The following TMEM132C variants were observed in gnomAD, a reference collection of about 807,000 sequenced individuals.
TMEM132C encodes the protein transmembrane protein 132C.
In TMEM132C, 29 loss-of-function variants were observed where a neutral mutation model predicts 61.4. The observed-to-expected ratio is 0.47, with a 90% confidence interval of 0.35 to 0.64. The LOEUF (loss-of-function observed/expected upper bound fraction) is 0.64, where lower values mean the gene tolerates loss of function less well. Ranked by LOEUF, TMEM132C falls within the 30% of genes least tolerant of loss-of-function variation. The pLI is 0.00. For synonymous variants in TMEM132C, 656 were observed against 633.1 expected, an observed-to-expected ratio of 1.04 and a Z score of -0.54; for missense variants, 1,408 against 1,476.9, an observed-to-expected ratio of 0.95 and a Z score of 0.76.
intron 1 of TMEM132C, among the ~76,000 whole-genome samples, chr12:128,340,408 CA>C (rs1177348532): frequency 1.3e-5 from 2 of 151,650 alleles, no homozygotes; most frequent in Non-Finnish European, 2.9e-5. Flanking sequence ...TTAGTTGCAA[CA>C]AAATGACAAA....
chr12:128,627,385 A>G (rs191858636), intron 4 of TMEM132C, among the ~76,000 whole-genome samples: 271 of 152,176 alleles, frequency 1.8e-3, no homozygotes, highest in African/African-American at 6.3e-3. Context: ...TCTGATCATT[A>G]TCTGACATTA....
At chr12:128,549,122 G>A (rs1874064910) in intron 3 of TMEM132C, among the ~76,000 whole-genome samples, 1 of 152,160 alleles carries the variant, frequency 6.6e-6, no homozygotes, top group Non-Finnish European at 1.5e-5. Flanking sequence ...CTTGGGGTGT[G>A]AGCTGGCTGG....
chr12:128,494,927 T>C (rs2136103799), intron 2 of TMEM132C, among the ~76,000 whole-genome samples: 1 of 151,284 alleles, frequency 6.6e-6, no homozygotes, highest in Admixed American at 6.6e-5. Flanking sequence ...GTTCTTTTAA[T>C]TGTGATGTTT....
rs568281677 is a variant in TMEM132C at position 128,692,118 on chromosome 12, C to T, written c.1450-1711C>T. Among the ~76,000 whole-genome samples the T allele has an allele frequency of 2.0e-5, 3 of 151,768 alleles. No homozygotes were observed. In the East Asian group the frequency reaches 5.9e-4, roughly 30 times the overall value. ...GTCTGTCCATCAGTGTGTGCATCCACCCATCAGCTCATCTGTCTATTCATC... is the reference window on the plus strand; with the variant it reads ...GTCTGTCCATCAGTGTGTGCATCCATCCATCAGCTCATCTGTCTATTCATC... On this transcript the variant is annotated intron_variant, in intron 5 of 8. Transcript: ENST00000435159.
chr12:128,603,125 C>T (rs1442342494), intron 3 of TMEM132C, among the ~76,000 whole-genome samples: 1 of 152,110 alleles, frequency 6.6e-6, no homozygotes, highest in African/African-American at 2.4e-5. Flanking sequence ...CTTCATGACA[C>T]ATTGGCTTCA....
intron 1 of TMEM132C, among the ~76,000 whole-genome samples, chr12:128,306,849 G>A (rs138297007): frequency 1.1e-3 from 173 of 152,252 alleles, no homozygotes; most frequent in Non-Finnish European, 1.4e-3. Flanking sequence ...TTGTCCTCTC[G>A]TTGGCATGTT....
At chr12:128,467,938 C>T (rs1870794519) in intron 2 of TMEM132C, among the ~76,000 whole-genome samples, 2 of 152,176 alleles carry the variant, frequency 1.3e-5, no homozygotes, top group Admixed American at 1.3e-4. Context: ...AGAGGGGCAT[C>T]AATCAGACGG....
chr12:128,516,009 C>T (rs144725571), intron 2 of TMEM132C, among the ~76,000 whole-genome samples: 22 of 152,202 alleles, frequency 1.4e-4, no homozygotes, highest in African/African-American at 4.8e-4. Context: ...CCCTGTGGTT[C>T]GCTGGTTTGA....
chr12:128,518,061 G>A (rs1396139685), intron 2 of TMEM132C, among the ~76,000 whole-genome samples: 4 of 152,210 alleles, frequency 2.6e-5, no homozygotes, highest in African/African-American at 7.2e-5. Flanking sequence ...GGGAAAGCAT[G>A]GTTAAGCTCC....
chr12:128,367,350 C>T (rs1408961176), intron 1 of TMEM132C, among the ~76,000 whole-genome samples: 1 of 152,302 alleles, frequency 6.6e-6, no homozygotes, highest in Non-Finnish European at 1.5e-5. Flanking sequence ...GCTCTGTGTT[C>T]TGTGCTCATT....
intron 2 of TMEM132C, among the ~76,000 whole-genome samples, chr12:128,500,880 A>G (rs1872151356): frequency 6.6e-6 from 1 of 152,244 alleles, no homozygotes; most frequent in African/African-American, 2.4e-5. Context: ...CAAAACTTGT[A>G]CATGAATATT....
chr12:128,638,582 G>A (rs912504974), intron 4 of TMEM132C, among the ~76,000 whole-genome samples: 53 of 152,320 alleles, frequency 3.5e-4, no homozygotes, highest in African/African-American at 1.2e-3. Context: ...GGGCATTGAG[G>A]CCTGAAGGCA....
chr12:128,701,896 CTTCT>C (rs1954806123), intron 8 of TMEM132C, among the ~76,000 whole-genome samples: 2 of 44,686 alleles, frequency 4.5e-5, no homozygotes, highest in African/African-American at 1.2e-4. Flanking sequence ...TTCGCTTCTT[CTTCT>C]TTTTTTTTTT....
intron 1 of TMEM132C, among the ~76,000 whole-genome samples, chr12:128,344,450 G>A (rs140390627): frequency 1.1e-4 from 17 of 152,214 alleles, no homozygotes; most frequent in African/African-American, 3.6e-4. Context: ...GAGCCACCGT[G>A]CCGGCAGTAT....
intron 1 of TMEM132C, among the ~76,000 whole-genome samples, chr12:128,291,842 G>A (rs544966316): frequency 4.6e-5 from 7 of 152,218 alleles, no homozygotes; most frequent in Non-Finnish European, 8.8e-5. Flanking sequence ...AGTGGGGAAA[G>A]CCACAGTGCT....
chr12:128,375,189 AACCAGGCTGTCCTGGTTGAAAAGC>A lies in TMEM132C; in HGVS notation c.86-39540_86-39517del, dbSNP rs1239093928. On this transcript the variant is annotated intron_variant, in intron 1 of 8. Coordinates refer to ENST00000435159, the MANE Select transcript of TMEM132C (RefSeq NM_001136103.3). ...CCTGTGGGATGGCTGGTTGAAAAGCAACCAGGCTGTCCTGGTTGAAAAGCACTGGGGACAGTGTGACCGGGGTGG... is the reference window on the plus strand; with the variant it reads ...CCTGTGGGATGGCTGGTTGAAAAGCAACTGGGGACAGTGTGACCGGGGTGG... 1.4e-3 allele frequency among the ~76,000 whole-genome samples: 218 copies of A among 152,156 alleles called. 2 individuals are homozygous for A. The highest frequency in any genetic ancestry group is 5.0e-3 in the African/African-American group (208 of 41,538).
Position 128,695,834 on chromosome 12 carries a change from A to C in TMEM132C, c.1660A>C (p.Thr554Pro). 1 of 1,543,012 alleles carries C rather than the reference A, an allele frequency of 6.5e-7. No individual in the cohort carries two copies. Among genetic ancestry groups the C allele is most frequent in the Non-Finnish European group, 8.8e-7 (1 of 1,141,750 alleles). ...CTCTTTGTCCCTTCCCACAAGGCCC[A>C]CTCGTGAGAGCGAGGATGAGGACGA... is the stretch of plus-strand genomic sequence containing the variant. The part of the protein sequence containing the change: ...RVPIVTNKRP[T>P]RESEDEDEEE... Residue 554 changes from threonine (T) to proline (P), a missense_variant, in exon 7 of 9, where the codon ACT becomes CCT. Thr to Pro is a conservative substitution (Grantham distance 38). Coordinates refer to ENST00000435159, the MANE Select transcript of TMEM132C (RefSeq NM_001136103.3).
Position 128,706,060 on chromosome 12 carries a change from C to A in TMEM132C, c.3092C>A (p.Ser1031Tyr). Residue 1031 changes from serine (S) to tyrosine (Y), a missense_variant, in exon 9 of 9, where the codon TCC becomes TAC. Transcript: ENST00000435159. Reference sequence around the variant, plus strand: ...AGCCAGATTCACAGGTCAGCCGACTCCGGGGGGCGGCAGGGCAGAGAACAG... The same window carrying A: ...AGCCAGATTCACAGGTCAGCCGACTACGGGGGGCGGCAGGGCAGAGAACAG... ...VQSQIHRSAD[S>Y]GGRQGREQKQ... 1 of 1,551,736 alleles carries A rather than the reference C, an allele frequency of 6.4e-7. No homozygotes were observed. Among genetic ancestry groups the A allele is most frequent in the South Asian group, 1.2e-5 (1 of 84,060 alleles).
chr12:128,375,865 C>T (rs1447546399), intron 1 of TMEM132C, among the ~76,000 whole-genome samples: 4 of 152,080 alleles, frequency 2.6e-5, no homozygotes, highest in East Asian at 1.9e-4. Flanking sequence ...GAGGCAAGAG[C>T]GAGGGTGGCA....
Sources: gnomAD v4.1 joint callset for allele counts (sites outside exome capture counted in the v4.1 genomes callset) on GRCh38, gnomAD v4.1.1 for gene constraint, MANE v1.5 for transcripts, NCBI Gene and HGNC (gene_info 2026-07-23, HGNC 2026-07-21) for gene names.